The following IL12A variants were observed in gnomAD, a reference collection of about 807,000 sequenced individuals.
The protein encoded by IL12A is interleukin 12A, also known as interleukin-12 subunit alpha.
A neutral mutation model predicts 23.5 loss-of-function variants in IL12A; 16 were observed. The ratio of observed to expected loss-of-function variants is 0.68; its 90% confidence interval spans 0.46 to 1.03. IL12A has a LOEUF of 1.03. IL12A is among the 50% of genes least tolerant of loss of function. IL12A has a pLI of 0.00. For missense variants in IL12A, 275 were observed against 307.0 expected, an observed-to-expected ratio of 0.90 and a Z score of 0.78; for synonymous variants, 106 against 111.5, an observed-to-expected ratio of 0.95 and a Z score of 0.31.
chr3:159,990,339 T>G (rs1242893964), intron 2 of IL12A, 27 bp downstream of exon 2: 2 of 1,611,326 alleles, frequency 1.2e-6, no homozygotes, highest in South Asian at 2.2e-5. Context: ...CTCTCCACTG[T>G]GGACCTGCAC....
intron 5 of IL12A, 23 bp from the exon 6 acceptor site, chr3:159,993,677 TC>T (rs757414291): frequency 1.2e-6 from 2 of 1,614,006 alleles, no homozygotes; most frequent in East Asian, 4.5e-5. Context: ...AATGGATACT[TC>T]CCCATCTTGT....
intron 1 of IL12A, 152 bp downstream of exon 1, chr3:159,989,326 G>A (rs1310607281): frequency 4.2e-5 from 27 of 648,578 alleles, no homozygotes; most frequent in Non-Finnish European, 7.3e-5. Context: ...GGGTCTCACC[G>A]TGTGCTAAAT....
intron 2 of IL12A, among the ~76,000 whole-genome samples, chr3:159,992,234 C>T (rs1337582497): frequency 6.6e-6 from 1 of 152,156 alleles, no homozygotes; most frequent in Non-Finnish European, 1.5e-5. Flanking sequence ...GCTTTGCTTC[C>T]CTTCCTGCCC....
intron 2 of IL12A, among the ~76,000 whole-genome samples, chr3:159,992,217 C>G (rs1386689077): frequency 6.6e-6 from 1 of 152,188 alleles, no homozygotes; most frequent in African/African-American, 2.4e-5. Flanking sequence ...TGTCCCAACT[C>G]TAGGAAGCTT....
chr3:159,993,663 T>C, intron 5 of IL12A, 38 bp from the exon 6 acceptor site: 1 of 1,614,100 alleles, frequency 6.2e-7, no homozygotes, highest in Non-Finnish European at 8.5e-7. Flanking sequence ...TTTTAGCCCA[T>C]CTCAATGGAT....
chr3:159,988,934 C>A lies in IL12A; in HGVS notation c.-123C>A. On this transcript the variant is annotated 5_prime_UTR_variant, in exon 1 of 7. Transcript: ENST00000305579. ...GTTAATCCGAAAGCGCCGCAAGCCC[C>A]GCGGGCCGGCCGCACCGCACGTGTC... The A allele has an allele frequency of 4.7e-6, 4 of 843,768 alleles. No individual in the cohort carries two copies. Among genetic ancestry groups the A allele is most frequent in the Non-Finnish European group, 7.6e-6 (4 of 523,570 alleles). 52.3% of individuals were successfully genotyped at this position (843,768 alleles called of 1,614,324 possible).
intron 6 of IL12A, 137 bp downstream of exon 6, chr3:159,993,981 C>G (rs1241370906): frequency 1.2e-6 from 1 of 822,734 alleles, no homozygotes; most frequent in African/African-American, 1.7e-5. Flanking sequence ...AGAAGACAGC[C>G]TTGAGGGTGC....
chr3:159,993,510 A>G lies in IL12A; in HGVS notation c.420+18A>G. On this transcript the variant is annotated intron_variant, in intron 4 of 6. Coordinates refer to ENST00000305579, the MANE Select transcript of IL12A (RefSeq NM_000882.4). ...TCATAACTGTAAGTCAAAAAATGAA[A>G]AGTTTCAGCCTGTATGATGAATTCA... 1 of 1,613,946 alleles carries G rather than the reference A, an allele frequency of 6.2e-7. No individual in the cohort carries two copies. Among genetic ancestry groups the G allele is most frequent in the Non-Finnish European group, 8.5e-7 (1 of 1,179,844 alleles).
In IL12A at chr3:159,995,676, A is replaced by C; in HGVS notation, c.*117A>C. On this transcript the variant is annotated 3_prime_UTR_variant, in exon 7 of 7. Transcript: ENST00000305579. Reference sequence around the variant, plus strand: ...AAAGAAGGATGGGACTATTACATCCACATGATACCTCTGATCAAGTATTTT... The same window carrying C: ...AAAGAAGGATGGGACTATTACATCCCCATGATACCTCTGATCAAGTATTTT... 1 of 643,938 alleles carries C rather than the reference A, an allele frequency of 1.6e-6. No homozygotes were observed. Among genetic ancestry groups the C allele is most frequent in the Admixed American group, 3.0e-5 (1 of 33,370 alleles). The allele number at this position is 643,938 out of a possible 1,614,324, so 39.9% of individuals were successfully genotyped here. A position where few individuals can be genotyped will look rare whatever the true frequency, so the allele number is the denominator to read the frequency against.
chr3:159,989,358 C>A, intron 1 of IL12A, 184 bp downstream of exon 1: 1 of 589,872 alleles, frequency 1.7e-6, no homozygotes, highest in Non-Finnish European at 3.0e-6. Context: ...CTTTTCATCT[C>A]GAAACAGCCT....
At chr3:159,994,347 T>C (rs1313133389) in intron 6 of IL12A, 1 of 155,112 alleles carries the variant, frequency 6.4e-6, no homozygotes, top group Non-Finnish European at 1.4e-5. Context: ...TGACCCATTG[T>C]GAACCAAAAT....
chr3:159,995,206 G>C (rs2243135), intron 6 of IL12A, among the ~76,000 whole-genome samples, 198 bp from the exon 7 acceptor site: 61,115 of 152,058 alleles, frequency 0.4, 12,618 homozygotes, highest in African/African-American at 0.47. Context: ...ATTGAAGATG[G>C]ATGTGCTTGG....
Position 159,993,015 on chromosome 3 carries a change from A to C in IL12A, c.268A>C (p.Arg90=), listed in dbSNP as rs531622172. 1.9e-5 allele frequency: 30 copies of C among 1,566,448 alleles called. No individual in the cohort carries two copies. The highest frequency in any genetic ancestry group is 2.6e-5 in the Non-Finnish European group (30 of 1,137,532). Residue 90 remains arginine, a synonymous_variant, in exon 3 of 7, where the codon AGA becomes CGA. Transcript: ENST00000305579. ...GTTTCTCCTTCATTTTTTATAGGCC[A>C]GACAAACTCTAGAATTTTACCCTTG...
rs1228058679 is a variant in IL12A, at chr3:159,990,457, C to G, written c.264+145C>G. On this transcript the variant is annotated intron_variant, in intron 2 of 6. Coordinates refer to ENST00000305579, the MANE Select transcript of IL12A (RefSeq NM_000882.4). ...GTCAACAGCAGGAGAGGGAACTTTA[C>G]AAATGGCCCAAGTGTTAAAGAGTCC... The G allele has an allele frequency of 4.0e-6, 3 of 751,636 alleles. No individual in the cohort carries two copies. In the African/African-American group the frequency reaches 5.3e-5, roughly 13 times the overall value. The allele number at this position is 751,636 out of a possible 1,614,324, so 46.6% of individuals were successfully genotyped here.
intron 3 of IL12A, 74 bp downstream of exon 3, chr3:159,993,199 A>C (rs1458352152): frequency 1.1e-6 from 1 of 877,520 alleles, no homozygotes; most frequent in Admixed American, 2.2e-5. Context: ...GCTTCTAAAA[A>C]TTCACGTTTC....
At position 159,993,710 on chromosome 3, in the gene IL12A, C is replaced by CT; in HGVS notation, c.474dup (p.Ser159Ter). The CT allele has an allele frequency of 6.2e-7, 1 of 1,614,088 alleles. No individual in the cohort carries two copies. The highest frequency in any genetic ancestry group is 8.5e-7 in the Non-Finnish European group (1 of 1,180,000). ...TTGTCATGTCACCCAGGCCCTGTGC[C>CT]TTAGTAGTATTTATGAAGACTTGAA... On this transcript the variant is annotated frameshift_variant, in exon 6 of 7. Coordinates refer to ENST00000305579, the MANE Select transcript of IL12A (RefSeq NM_000882.4). LOFTEE classifies it high-confidence loss of function.
chr3:159,994,617 T>TGTGTGTGTGC (rs1333998152), intron 6 of IL12A, among the ~76,000 whole-genome samples: 2 of 150,558 alleles, frequency 1.3e-5, no homozygotes, highest in East Asian at 1.9e-4. Flanking sequence ...TGTGTGTGTG[T>TGTGTGTGTGC]GCATGTGCCA....
chr3:159,995,732 GT>G lies in IL12A; in HGVS notation c.*177del, dbSNP rs1720485299. The G allele has an allele frequency of 2.3e-6, 1 of 436,480 alleles. No homozygotes were observed. The highest frequency in any genetic ancestry group is 8.0e-5 in the South Asian group (1 of 12,464). The allele number at this position is 436,480 out of a possible 1,614,324, so 27.0% of individuals were successfully genotyped here. A position where few individuals can be genotyped will look rare whatever the true frequency, so the allele number is the denominator to read the frequency against. ...TTTACTGTGGATAAATTGTTTTTAA[GT>G]TTTCATGAATGAATTGCTAAGAAGG... On this transcript the variant is annotated 3_prime_UTR_variant, in exon 7 of 7. Coordinates refer to ENST00000305579, the MANE Select transcript of IL12A (RefSeq NM_000882.4).
intron 1 of IL12A, among the ~76,000 whole-genome samples, chr3:159,989,553 G>C (rs973632914): frequency 1.3e-5 from 2 of 152,146 alleles, no homozygotes; most frequent in African/African-American, 4.8e-5. Context: ...AGGCCAAGGC[G>C]GACAGATCTC....
Sources: gnomAD v4.1 joint callset for allele counts (sites outside exome capture counted in the v4.1 genomes callset) on GRCh38, gnomAD v4.1.1 for gene constraint, MANE v1.5 for transcripts, NCBI Gene and HGNC (gene_info 2026-07-23, HGNC 2026-07-21) for gene names.